The following COL14A1 variants were observed in gnomAD, a reference collection of about 807,000 sequenced individuals.
COL14A1 encodes collagen type XIV alpha 1 chain.
In COL14A1, 136 loss-of-function variants were observed where a neutral mutation model predicts 230.3. The ratio of observed to expected loss-of-function variants is 0.59; its 90% CI spans 0.51 to 0.68. The LOEUF (loss-of-function observed/expected upper bound fraction) is 0.68. Among genes scored for constraint, COL14A1 ranks in the 30% least tolerant of loss-of-function variants. The pLI is 0.00. For missense variants in COL14A1, 1,976 were observed against 2,215.8 expected (o/e 0.89, Z 2.17); for synonymous variants, 792 against 784.1 (o/e 1.01, Z -0.17).
intron 40 of COL14A1, among the ~76,000 whole-genome samples, chr8:120,326,227 A>C (rs947336996): frequency 2.0e-5 from 3 of 152,148 alleles, no homozygotes; most frequent in African/African-American, 7.2e-5. Context: ...CTTGACTTAA[A>C]TTCCACCTCT....
intron 19 of COL14A1, among the ~76,000 whole-genome samples, chr8:120,243,660 C>T (rs1361485941): frequency 2.7e-5 from 4 of 150,726 alleles, no homozygotes; most frequent in Non-Finnish European, 5.9e-5. Context: ...TTAAGAGTGT[C>T]AAATTTAAAC....
chr8:120,154,875 A>C (rs903630852), intron 2 of COL14A1, among the ~76,000 whole-genome samples: 3 of 152,210 alleles, frequency 2.0e-5, no homozygotes, highest in African/African-American at 7.2e-5. Flanking sequence ...CCATGAGATA[A>C]GAGCAATTAT....
At chr8:120,291,496 G>T (rs911734698) in intron 34 of COL14A1, among the ~76,000 whole-genome samples, 1 of 133,078 alleles carries the variant, frequency 7.5e-6, no homozygotes, top group African/African-American at 2.9e-5. Context: ...GGAGGCGGAT[G>T]TTACAGTGAA....
Position 120,328,090 on chromosome 8 carries a change from A to G in COL14A1, c.4660-4051A>G, listed in dbSNP as rs187495050. Among the ~76,000 whole-genome samples, 560 of 152,246 alleles carry G rather than the reference A, an allele frequency of 3.7e-3. 3 individuals carry two copies. The highest frequency in any genetic ancestry group is 0.013 in the African/African-American group (542 of 41,552). On this transcript the variant is annotated intron_variant, in intron 40 of 47. Transcript: ENST00000297848. The stretch of plus-strand genomic sequence containing the variant: ...TGTGCAGTACCTATTTTGTGTCAGT[A>G]ATGTGTTAAGAAAGTTTTAGGAATA...
Position 120,345,466 on chromosome 8 carries a change from G to C in COL14A1, c.4980G>C (p.Gly1660=), listed in dbSNP as rs1822470020. ...RTVQGPPGEP[G]RPGSPGAPGE... ...TCCAAGGGCCTCCTGGGGAGCCTGGGAGGCCAGGCTCACCTGGAGCCCCTG... is the reference window on the plus strand; with the variant it reads ...TCCAAGGGCCTCCTGGGGAGCCTGGCAGGCCAGGCTCACCTGGAGCCCCTG... The change falls in exon 45 of 48, where the codon GGG becomes GGC. Residue 1660 remains glycine, a synonymous_variant. Coordinates refer to ENST00000297848, the MANE Select transcript of COL14A1 (RefSeq NM_021110.4). 6.2e-7 allele frequency: 1 copy of C among 1,603,056 alleles called. No homozygotes were observed. The highest frequency in any genetic ancestry group is 1.3e-5 in the African/African-American group (1 of 74,140).
chr8:120,368,623 A>G (rs1447759135), intron 46 of COL14A1, among the ~76,000 whole-genome samples: 1 of 146,912 alleles, frequency 6.8e-6, no homozygotes, highest in South Asian at 2.2e-4. Context: ...AAAAAAAAAA[A>G]CATGCTGACA....
At chr8:120,334,244 G>C (rs1402544438) in intron 42 of COL14A1, among the ~76,000 whole-genome samples, 1 of 152,018 alleles carries the variant, frequency 6.6e-6, no homozygotes, top group Non-Finnish European at 1.5e-5. Context: ...GGCATATGTA[G>C]GTACACAAAC....
intron 12 of COL14A1, among the ~76,000 whole-genome samples, chr8:120,210,110 A>C (rs1170511655): frequency 6.6e-6 from 1 of 152,142 alleles, no homozygotes; most frequent in African/African-American, 2.4e-5. Context: ...CAACACATGG[A>C]AATGGTTTCG....
Position 120,138,327 on chromosome 8 carries a change from A to T in COL14A1, c.-37-9479A>T, listed in dbSNP as rs537253516. Among the ~76,000 whole-genome samples, 10 of 152,296 alleles carry T rather than the reference A, an allele frequency of 6.6e-5. No individual in the cohort carries two copies. The South Asian group carries it at 2.1e-3, about 32-fold the overall frequency. ...ATGATTAATTTTTCCTAATTAAGTG[A>T]TCTTTATCATTCTGAAATGTCCAGG... On this transcript the variant is annotated intron_variant, in intron 1 of 47. Coordinates refer to ENST00000297848, the MANE Select transcript of COL14A1 (RefSeq NM_021110.4).
intron 14 of COL14A1, among the ~76,000 whole-genome samples, chr8:120,224,315 G>A (rs1451985211): frequency 1.3e-5 from 2 of 151,930 alleles, no homozygotes; most frequent in African/African-American, 2.4e-5. Flanking sequence ...GCGTGTAATC[G>A]TGTAGCACAA....
rs1812192736 is a variant in COL14A1, at chr8:120,372,493, T to G, written c.*1262T>G. On this transcript the variant is annotated 3_prime_UTR_variant, in exon 48 of 48. Coordinates refer to ENST00000297848, the MANE Select transcript of COL14A1 (RefSeq NM_021110.4). ...TTTGAGAAAGATTTGAATTCTATTA[T>G]GTGCTAGTTGAAATAGAAACAAAAG... Among the ~76,000 whole-genome samples the G allele has an allele frequency of 6.6e-6, 1 of 152,180 alleles. No individual in the cohort carries two copies. Among genetic ancestry groups the G allele is most frequent in the Non-Finnish European group, 1.5e-5 (1 of 68,028 alleles).
intron 10 of COL14A1, 65 bp from the exon 11 acceptor site, chr8:120,208,167 T>G (rs925881410): frequency 4.1e-6 from 6 of 1,480,774 alleles, no homozygotes; most frequent in Non-Finnish European, 5.4e-6. Flanking sequence ...TATTTTCGCT[T>G]TTTGATTTCA....
chr8:120,367,139 C>G lies in COL14A1; in HGVS notation c.5078-32C>G, dbSNP rs560770638. The G allele has an allele frequency of 4.0e-6, 6 of 1,514,500 alleles. No individual in the cohort carries two copies. The East Asian group carries it at 9.6e-5, about 24-fold the overall frequency. The allele number at this position is 1,514,500 out of a possible 1,614,324, so 93.8% of individuals were successfully genotyped here. A position where few individuals can be genotyped will look rare whatever the true frequency, so the allele number is the denominator to read the frequency against. On this transcript the variant is annotated intron_variant, in intron 45 of 47. Transcript: ENST00000297848. ...TACCAAGATTTTCTTTTAAAAAGAA[C>G]TTTAAACATTTTTAAAAATTATTTT... is the stretch of plus-strand genomic sequence containing the variant.
Position 120,278,477 on chromosome 8 carries a change from A to G in COL14A1, c.3380A>G (p.Glu1127Gly), listed in dbSNP as rs778280677. 2 of 1,613,204 alleles carry G rather than the reference A, an allele frequency of 1.2e-6. No homozygotes were observed. The highest frequency in any genetic ancestry group is 2.2e-5 in the South Asian group (2 of 91,016). Residue 1127 changes from glutamate (E) to glycine (G), a missense_variant, in exon 28 of 48, where the codon GAG becomes GGG. Coordinates refer to ENST00000297848, the MANE Select transcript of COL14A1 (RefSeq NM_021110.4). ...KYVRDTLFTA[E>G]SGTRRGIPKV... ...GTTCGAGATACCTTGTTCACTGCAGAGTCAGGTACAAGAAGGGGCATCCCA... is the reference window on the plus strand; with the variant it reads ...GTTCGAGATACCTTGTTCACTGCAGGGTCAGGTACAAGAAGGGGCATCCCA...
chr8:120,231,380 T>A, intron 18 of COL14A1, 87 bp from the exon 19 acceptor site: 1 of 1,392,100 alleles, frequency 7.2e-7, no homozygotes, highest in Non-Finnish European at 9.9e-7. Flanking sequence ...AAATGATGCT[T>A]GCTGTCACCC....
intron 21 of COL14A1, among the ~76,000 whole-genome samples, chr8:120,248,283 C>T (rs572614972): frequency 6.6e-6 from 1 of 152,074 alleles, no homozygotes; most frequent in Non-Finnish European, 1.5e-5. Context: ...GGATCCCTCT[C>T]GCCTCTACCT....
chr8:120,131,166 G>A (rs1177737952), intron 1 of COL14A1, among the ~76,000 whole-genome samples: 14 of 152,160 alleles, frequency 9.2e-5, no homozygotes, highest in African/African-American at 3.4e-4. Flanking sequence ...TGTGAAGAGT[G>A]CTGTGATGAA....
In COL14A1 at chr8:120,197,902, C is replaced by G. The variant is rs1817095036; in HGVS notation, c.684C>G (p.Leu228=). Residue 228 remains leucine (L), a synonymous_variant, in exon 7 of 48, where the codon CTC becomes CTG. Transcript: ENST00000297848. ...AAGTGATTGAAGCTGTCCGAAACCT[C>G]CCATATAAAGGAGGAAATACACTAA... is the stretch of plus-strand genomic sequence containing the variant. ...KDEVIEAVRN[L]PYKGGNTLTG... The G allele has an allele frequency of 1.9e-6, 3 of 1,613,422 alleles. No individual in the cohort carries two copies. The highest frequency in any genetic ancestry group is 2.2e-5 in the South Asian group (2 of 91,054).
At chr8:120,212,371 A>T in intron 12 of COL14A1, 77 bp from the exon 13 acceptor site, 2 of 1,469,280 alleles carry the variant, frequency 1.4e-6, no homozygotes, top group Non-Finnish European at 1.9e-6. Flanking sequence ...ATGAAGTCTC[A>T]CCTTTGTTCT....
Sources: allele counts gnomAD v4.1 joint callset (sites outside exome capture counted in the v4.1 genomes callset), GRCh38; gene constraint gnomAD v4.1.1; transcripts MANE v1.5; gene names NCBI Gene and HGNC (gene_info 2026-07-23, HGNC 2026-07-21).